USP6NL: variants seen among roughly 807,000 people sequenced by gnomAD.
USP6NL encodes the protein USP6 N-terminal like, also known as USP6 N-terminal-like protein.
A neutral mutation model predicts 61.9 loss-of-function variants in USP6NL; 26 were observed. That is an observed-to-expected ratio of 0.42 (90% CI 0.31 to 0.58). The LOEUF (loss-of-function observed/expected upper bound fraction) is 0.58. Among genes scored for constraint, USP6NL ranks in the 20% least tolerant of loss-of-function variants. The pLI is 0.16. For missense variants in USP6NL, 1,114 were observed against 1,034.3 expected (o/e 1.08, Z -1.06); for synonymous variants, 432 against 390.1 (o/e 1.11, Z -1.27).
chr10:11,534,510 G>C (rs1835765638), intron 2 of USP6NL, among the ~76,000 whole-genome samples: 1 of 152,208 alleles, frequency 6.6e-6, no homozygotes, highest in Non-Finnish European at 1.5e-5. Context: ...TTAGAAGAGA[G>C]TGGATTCTAG....
chr10:11,525,620 T>C lies in USP6NL; in HGVS notation c.73-152A>G, dbSNP rs906269611. Among the ~76,000 whole-genome samples the C allele has an allele frequency of 1.4e-4, 21 of 152,204 alleles. No homozygotes were observed. The highest frequency in any genetic ancestry group is 2.0e-4 in the Admixed American group (3 of 15,282). ...CATTATGAGCCTTAACATTTTTTTT[T>C]CCCCTTTAAACCCAACTATTTTTGG... is the stretch of plus-strand genomic sequence containing the variant. On this transcript the variant is annotated intron_variant, in intron 3 of 14. Transcript: ENST00000609104. The surrounding 1 kb of genome is among the most constrained non-coding windows in gnomAD (Gnocchi z 5.0).
Position 11,511,759 on chromosome 10 carries a change from A to C in USP6NL, c.196-2084T>G, listed in dbSNP as rs962988031. Among the ~76,000 whole-genome samples the C allele has an allele frequency of 8.6e-5, 13 of 151,970 alleles. No homozygotes were observed. The highest frequency in any genetic ancestry group is 1.9e-4 in the Non-Finnish European group (13 of 67,978). On this transcript the variant is annotated intron_variant, in intron 5 of 14. Coordinates refer to ENST00000609104, the MANE Select transcript of USP6NL (RefSeq NM_014688.5). This position sits in a 1 kb window ranked among gnomAD's most constrained non-coding sequence, Gnocchi z 4.9. The stretch of plus-strand genomic sequence containing the variant: ...GAACAAAACACACACATACACATAC[A>C]AAAAAAATTAAGGATCATTAAGTAT...
chr10:11,490,745 T>G lies in USP6NL; in HGVS notation c.543+87A>C. ...CCATGGAGACCACCTAGCTCTGAGA[T>G]GCAGAAATGTGCCCACAGGGCCCTG... On this transcript the variant is annotated intron_variant, in intron 9 of 14. Transcript: ENST00000609104. This position sits in a 1 kb window ranked among gnomAD's most constrained non-coding sequence, Gnocchi z 4.5. The G allele has an allele frequency of 1.5e-6, 2 of 1,316,216 alleles. No individual in the cohort carries two copies. The highest frequency in any genetic ancestry group is 2.7e-5 in the South Asian group (2 of 72,804). 81.5% of individuals were successfully genotyped at this position (1,316,216 alleles called of 1,614,324 possible). A position where few individuals can be genotyped will look rare whatever the true frequency, so the allele number is the denominator to read the frequency against.
chr10:11,532,302 G>A lies in USP6NL; in HGVS notation c.5-4735C>T, dbSNP rs556750560. 39 of 1,346,706 alleles carry A rather than the reference G, an allele frequency of 2.9e-5. No individual in the cohort carries two copies. Among genetic ancestry groups the A allele is most frequent in the Middle Eastern group, 1.8e-4 (1 of 5,476 alleles). The allele number at this position is 1,346,706 out of a possible 1,614,324, so 83.4% of individuals were successfully genotyped here. A position where few individuals can be genotyped will look rare whatever the true frequency, so the allele number is the denominator to read the frequency against. ...CTCGAACACACCAAGAGTGCTGCCC[G>A]GCGGTACCTCACACATTCTGCAACT... On this transcript the variant is annotated intron_variant, in intron 2 of 14. Transcript: ENST00000609104. This position sits in a 1 kb window ranked among gnomAD's most constrained non-coding sequence, Gnocchi z 4.1.
rs563848900 is a variant in USP6NL, at chr10:11,611,513, CCGGCG to C, written c.-159_-155del. 0.042 allele frequency: 6,711 copies of C among 160,618 alleles called. 212 individuals carry two copies. The highest frequency in any genetic ancestry group is 0.062 in the Non-Finnish European group (4,579 of 74,426). 9.9% of individuals were successfully genotyped at this position (160,618 alleles called of 1,614,324 possible). A position where few individuals can be genotyped will look rare whatever the true frequency, so the allele number is the denominator to read the frequency against. On this transcript the variant is annotated 5_prime_UTR_variant, in exon 1 of 15. Transcript: ENST00000609104. This position sits in a 1 kb window ranked among gnomAD's most constrained non-coding sequence, Gnocchi z 5.3. Reference sequence around the variant, plus strand: ...GGCGGTCCCGGGCGGCCGAGCAGATCCGGCGCGGCGCGGCGCGGCGGCGGCGGCGG... The same window carrying C: ...GGCGGTCCCGGGCGGCCGAGCAGATCCGGCGCGGCGCGGCGGCGGCGGCGG...
intron 2 of USP6NL, among the ~76,000 whole-genome samples, chr10:11,546,658 C>T (rs1189583235): frequency 2.6e-5 from 4 of 152,074 alleles, no homozygotes; most frequent in Admixed American, 1.3e-4. Flanking sequence ...CCTCATGATC[C>T]GCCCAGCCAG....
rs746117591 is a variant in USP6NL at position 11,543,682 on chromosome 10, G to A, written c.5-16115C>T. Among the ~76,000 whole-genome samples, 7 of 151,610 alleles carry A rather than the reference G, an allele frequency of 4.6e-5. No homozygotes were observed. In the South Asian group the frequency reaches 1.2e-3, roughly 27 times the overall value. On this transcript the variant is annotated intron_variant, in intron 2 of 14. Transcript: ENST00000609104. ...TTTCCAGAGAAACTTGCACAATCAC[G>A]TTCCAGATATTAAAAGAAACAATAC...
rs567756284 is a variant in USP6NL at position 11,463,506 on chromosome 10, G to A, written c.1422C>T (p.Asn474=). 15 of 1,614,050 alleles carry A rather than the reference G, an allele frequency of 9.3e-6. No homozygotes were observed. The highest frequency in any genetic ancestry group is 4.5e-5 in the East Asian group (2 of 44,890). The change falls in exon 15 of 15, where the codon AAC becomes AAT. Residue 474 remains asparagine, a synonymous_variant. Transcript: ENST00000609104. The surrounding 1 kb of genome is among the most constrained non-coding windows in gnomAD (Gnocchi z 6.3). The part of the protein sequence containing the change: ...YNHAAANQNS[N]ATSNIRKEFV... ...ACTCCTTCCTGATATTTGAAGTGGCGTTGCTATTTTGGTTGGCAGCTGCGT... is the reference window on the plus strand; with the variant it reads ...ACTCCTTCCTGATATTTGAAGTGGCATTGCTATTTTGGTTGGCAGCTGCGT...
rs1394918681 is a variant in USP6NL at position 11,485,357 on chromosome 10, A to G, written c.760-123T>C. On this transcript the variant is annotated intron_variant, in intron 11 of 14. Coordinates refer to ENST00000609104, the MANE Select transcript of USP6NL (RefSeq NM_014688.5). The surrounding 1 kb of genome is among the most constrained non-coding windows in gnomAD (Gnocchi z 4.8). ...CTAAACACATTTACTTCTCAAAATC[A>G]CTCCAAGAATAAATTCCTCTTAGGA... 12 of 715,558 alleles carry G rather than the reference A, an allele frequency of 1.7e-5. No homozygotes were observed. The highest frequency in any genetic ancestry group is 2.7e-5 in the Non-Finnish European group (12 of 448,332). The allele number at this position is 715,558 out of a possible 1,614,324, so 44.3% of individuals were successfully genotyped here.
chr10:11,539,259 T>C (rs1835955375), intron 2 of USP6NL, among the ~76,000 whole-genome samples: 1 of 152,200 alleles, frequency 6.6e-6, no homozygotes, highest in African/African-American at 2.4e-5. Context: ...GCTGTGTCAG[T>C]CACCCAGTGG....
In USP6NL at chr10:11,485,797, T is replaced by C; in HGVS notation, c.759+20A>G. On this transcript the variant is annotated intron_variant, in intron 11 of 14. Coordinates refer to ENST00000609104, the MANE Select transcript of USP6NL (RefSeq NM_014688.5). The surrounding 1 kb of genome is among the most constrained non-coding windows in gnomAD (Gnocchi z 4.8). ...TGGGGGGTGGGTAGGTGGGTGTAAG[T>C]CAGTGGCACATCTACCTACCAAGTG... is the stretch of plus-strand genomic sequence containing the variant. 1 of 1,514,700 alleles carries C rather than the reference T, an allele frequency of 6.6e-7. No individual in the cohort carries two copies. Among genetic ancestry groups the C allele is most frequent in the Non-Finnish European group, 8.9e-7 (1 of 1,120,736 alleles). 93.8% of individuals were successfully genotyped at this position (1,514,700 alleles called of 1,614,324 possible). A position where few individuals can be genotyped will look rare whatever the true frequency, so the allele number is the denominator to read the frequency against.
chr10:11,512,013 T>C (rs1834741047), intron 5 of USP6NL, among the ~76,000 whole-genome samples: 1 of 152,114 alleles, frequency 6.6e-6, no homozygotes, highest in Non-Finnish European at 1.5e-5. Flanking sequence ...ATATACTTTC[T>C]CACCAAAGAT....
At chr10:11,521,936 G>C (rs1835225775) in intron 4 of USP6NL, among the ~76,000 whole-genome samples, 1 of 152,124 alleles carries the variant, frequency 6.6e-6, no homozygotes, top group Admixed American at 6.5e-5. Flanking sequence ...AAGTAGACTA[G>C]CAGTGACTAT....
intron 2 of USP6NL, among the ~76,000 whole-genome samples, chr10:11,559,003 G>A (rs1432444235): frequency 1.8e-4 from 27 of 152,076 alleles, no homozygotes; most frequent in Admixed American, 1.5e-3. Context: ...CCACTAAGTC[G>A]AGTTTGGTTA....
Position 11,530,196 on chromosome 10 carries a change from T to A in USP6NL, c.5-2629A>T, listed in dbSNP as rs77563244. ...TTTCTATTATCAGAACTGCAAAACATGAATTTCTTTAGTAATCAGGCCAAA... is the reference window on the plus strand; with the variant it reads ...TTTCTATTATCAGAACTGCAAAACAAGAATTTCTTTAGTAATCAGGCCAAA... On this transcript the variant is annotated intron_variant, in intron 2 of 14. Coordinates refer to ENST00000609104, the MANE Select transcript of USP6NL (RefSeq NM_014688.5). Among the ~76,000 whole-genome samples, 143 of 151,434 alleles carry A rather than the reference T, an allele frequency of 9.4e-4. 2 individuals are homozygous for A. The East Asian group carries it at 0.026, about 28-fold the overall frequency.
At position 11,490,767 on chromosome 10, in the gene USP6NL, C is replaced by T; in HGVS notation, c.543+65G>A. On this transcript the variant is annotated intron_variant, in intron 9 of 14. Transcript: ENST00000609104. This position sits in a 1 kb window ranked among gnomAD's most constrained non-coding sequence, Gnocchi z 4.5. ...AGATGCAGAAATGTGCCCACAGGGC[C>T]CTGCTAAGTAGGGAGTACCTCAGAA... is the stretch of plus-strand genomic sequence containing the variant. 6.8e-7 allele frequency: 1 copy of T among 1,474,716 alleles called. No homozygotes were observed. The highest frequency in any genetic ancestry group is 1.3e-5 in the South Asian group (1 of 77,960). 91.4% of individuals were successfully genotyped at this position (1,474,716 alleles called of 1,614,324 possible).
At chr10:11,582,415 A>G (rs1588410138) in intron 2 of USP6NL, among the ~76,000 whole-genome samples, 1 of 152,322 alleles carries the variant, frequency 6.6e-6, no homozygotes, top group East Asian at 1.9e-4. Context: ...CTTAAGTTTT[A>G]AAGGAGGAAA....
chr10:11,565,607 A>G (rs1591934640), intron 2 of USP6NL: 1 of 151,418 alleles, frequency 6.6e-6, no homozygotes, highest in African/African-American at 2.4e-5. Context: ...GCGCCACTGC[A>G]CTCCAGCCTG....
chr10:11,543,302 G>T lies in USP6NL; in HGVS notation c.5-15735C>A, dbSNP rs192425625. On this transcript the variant is annotated intron_variant, in intron 2 of 14. Transcript: ENST00000609104. Reference sequence around the variant, plus strand: ...CACACCTGTAATCCCAGCACTTTGGGAGGCCAAGACAGGGGGATCACAAGG... The same window carrying T: ...CACACCTGTAATCCCAGCACTTTGGTAGGCCAAGACAGGGGGATCACAAGG... Among the ~76,000 whole-genome samples, 72 of 152,334 alleles carry T rather than the reference G, an allele frequency of 4.7e-4. 1 individual carries two copies. In the East Asian group the frequency reaches 0.013, roughly 28 times the overall value.
Sources: allele counts gnomAD v4.1 joint callset (sites outside exome capture counted in the v4.1 genomes callset), GRCh38; gene constraint gnomAD v4.1.1; non-coding constraint Gnocchi (gnomAD v3.1); transcripts MANE v1.5; gene names NCBI Gene and HGNC (gene_info 2026-07-23, HGNC 2026-07-21).